Variants in CNTN6 observed in about 807,000 individuals in gnomAD.
CNTN6 encodes the protein contactin-6.
CNTN6 carries 137 observed loss-of-function variants against 122.8 expected under a neutral mutation model. The observed-to-expected ratio is 1.12, with a 90% CI of 0.97 to 1.29. The LOEUF is 1.29. CNTN6 is among the 50% of genes most tolerant of loss of function. The pLI is 0.00. For synonymous variants in CNTN6, 570 were observed against 426.0 expected (o/e 1.34, Z -4.16); for missense variants, 1,634 against 1,223.4 (o/e 1.34, Z -5.01).
At position 1,383,110 on chromosome 3, in the gene CNTN6, G is replaced by A. The variant is rs866577695; in HGVS notation, c.2335G>A (p.Gly779Ser). ...ACTGTCTCCCTTTGAAGTCAAAGTG[G>A]GTGTGTATAATAATGAAGGAGAAGG... ...IPLSPFEVKV[G>S]VYNNEGEGSL... Residue 779 changes from glycine (G) to serine (S), a missense_variant, in exon 18 of 23, where the codon GGT becomes AGT. Gly to Ser is a moderately conservative substitution (Grantham distance 56). Coordinates refer to ENST00000446702, the MANE Select transcript of CNTN6 (RefSeq NM_001289080.2). 1 of 1,614,006 alleles carries A rather than the reference G, an allele frequency of 6.2e-7. No homozygotes were observed. Among genetic ancestry groups the A allele is most frequent in the Non-Finnish European group, 8.5e-7 (1 of 1,179,928 alleles).
chr3:1,247,242 G>C (rs2094595271), intron 4 of CNTN6, among the ~76,000 whole-genome samples: 1 of 152,028 alleles, frequency 6.6e-6, no homozygotes, highest in Admixed American at 6.6e-5. Context: ...ATCCAATTGA[G>C]CCAGAACATA....
intron 2 of CNTN6, among the ~76,000 whole-genome samples, chr3:1,157,497 A>G (rs921274371): frequency 6.6e-6 from 1 of 152,160 alleles, no homozygotes; most frequent in African/African-American, 2.4e-5. Flanking sequence ...GATTACAGAT[A>G]TAAGCCACCA....
chr3:1,403,028 C>T (rs1695928445), intron 22 of CNTN6, among the ~76,000 whole-genome samples: 1 of 152,074 alleles, frequency 6.6e-6, no homozygotes, highest in African/African-American at 2.4e-5. Context: ...ACTCATCTGC[C>T]TGAAGCTGTG....
At chr3:1,204,865 G>A (rs1406153407) in intron 2 of CNTN6, among the ~76,000 whole-genome samples, 1 of 152,092 alleles carries the variant, frequency 6.6e-6, no homozygotes, top group Non-Finnish European at 1.5e-5. Flanking sequence ...CCCATATGAT[G>A]GATGGGGTAG....
chr3:1,156,459 TAAA>T (rs771401604), intron 2 of CNTN6, among the ~76,000 whole-genome samples: 3 of 152,152 alleles, frequency 2.0e-5, no homozygotes, highest in South Asian at 2.1e-4. Context: ...AAAGGGAAAA[TAAA>T]AACTCAACTC....
intron 2 of CNTN6, among the ~76,000 whole-genome samples, chr3:1,172,779 A>G (rs1271773196): frequency 6.6e-6 from 1 of 152,190 alleles, no homozygotes; most frequent in Non-Finnish European, 1.5e-5. Context: ...AGCAACTCAT[A>G]TACACGAGAG....
chr3:1,381,485 A>G (rs1011958400), intron 17 of CNTN6, among the ~76,000 whole-genome samples: 2 of 152,108 alleles, frequency 1.3e-5, no homozygotes, highest in Non-Finnish European at 2.9e-5. Flanking sequence ...GAGGACAGGA[A>G]AAAAGTCTCA....
At chr3:1,372,168 A>G in intron 12 of CNTN6, 131 bp from the exon 13 acceptor site, 2 of 556,024 alleles carry the variant, frequency 3.6e-6, no homozygotes, top group Non-Finnish European at 5.9e-6. Context: ...AATATTTCAT[A>G]CTGGACATTG....
At chr3:1,139,298 T>C (rs1237613920) in intron 1 of CNTN6, among the ~76,000 whole-genome samples, 1 of 152,144 alleles carries the variant, frequency 6.6e-6, no homozygotes, top group Admixed American at 6.6e-5. Flanking sequence ...TGTTATTGAA[T>C]TCATTGCTGA....
intron 11 of CNTN6, among the ~76,000 whole-genome samples, chr3:1,334,050 G>T (rs7628540): frequency 0.2 from 30,749 of 151,978 alleles, 3,824 homozygotes; most frequent in East Asian, 0.56. Flanking sequence ...GCTGTTTTAA[G>T]AGTTCTGTTC....
intron 2 of CNTN6, among the ~76,000 whole-genome samples, chr3:1,215,263 G>C (rs747383207): frequency 6.6e-6 from 1 of 152,078 alleles, no homozygotes; most frequent in Admixed American, 6.6e-5. Context: ...TCTATAACTC[G>C]GTGACATCAA....
At chr3:1,233,277 G>A (rs1342778556) in intron 4 of CNTN6, among the ~76,000 whole-genome samples, 1 of 152,136 alleles carries the variant, frequency 6.6e-6, no homozygotes, top group Non-Finnish European at 1.5e-5. Context: ...TATGTGGAAA[G>A]CAGAGGGCAA....
chr3:1,266,571 T>C (rs1259856199), intron 4 of CNTN6, among the ~76,000 whole-genome samples: 3 of 152,196 alleles, frequency 2.0e-5, no homozygotes, highest in Admixed American at 6.5e-5. Flanking sequence ...AACTCGGCCT[T>C]TTGTATTTTA....
intron 11 of CNTN6, among the ~76,000 whole-genome samples, chr3:1,346,554 A>C (rs1051866021): frequency 1.2e-4 from 19 of 152,054 alleles, no homozygotes; most frequent in Admixed American, 3.9e-4. Context: ...CTCTTTGTAC[A>C]CACCAGTTTC....
At chr3:1,394,849 G>C (rs577777884) in intron 20 of CNTN6, among the ~76,000 whole-genome samples, 48 of 152,170 alleles carry the variant, frequency 3.2e-4, no homozygotes, top group Non-Finnish European at 1.6e-4. Context: ...TTGTCAAAGA[G>C]TAGGAGATAA....
At position 1,147,265 on chromosome 3, in the gene CNTN6, T is replaced by C. The variant is rs542177207; in HGVS notation, c.-82-662T>C. 3.3e-5 allele frequency among the ~76,000 whole-genome samples: 5 copies of C among 152,100 alleles called. No homozygotes were observed. In the South Asian group the frequency reaches 1.0e-3, roughly 31 times the overall value. ...ATAGAAAAGCTGCAAAATTATACCA[T>C]AAAAAGGCCATAGAAATAATAAAGG... On this transcript the variant is annotated intron_variant, in intron 1 of 22. Transcript: ENST00000446702.
intron 4 of CNTN6, among the ~76,000 whole-genome samples, chr3:1,245,312 ATATATATATATAT>A (rs2094565542): frequency 1.0e-4 from 2 of 19,204 alleles, no homozygotes; most frequent in African/African-American, 4.2e-4. Flanking sequence ...ATATATATAT[ATATATATATATAT>A]ATATATATAT....
At chr3:1,098,179 T>C (rs1373665869) in intron 1 of CNTN6, among the ~76,000 whole-genome samples, 1 of 152,020 alleles carries the variant, frequency 6.6e-6, no homozygotes, top group Non-Finnish European at 1.5e-5. Flanking sequence ...GTCACATGTA[T>C]ACATATGTAA....
chr3:1,372,299 A>C lies in CNTN6; in HGVS notation c.1493A>C (p.Glu498Ala). 1 of 1,594,394 alleles carries C rather than the reference A, an allele frequency of 6.3e-7. No individual in the cohort carries two copies. Among genetic ancestry groups the C allele is most frequent in the East Asian group, 2.3e-5 (1 of 44,404 alleles). ...AKNTGSLIVK[E>A]RTVITVPPSK... ...AAAAAATAATTTTTTTTCTCAACAG[A>C]GAGAACTGTCATTACCGTCCCACCT... is the stretch of plus-strand genomic sequence containing the variant. Residue 498 changes from glutamate to alanine, a missense_variant and splice_region_variant, in exon 13 of 23, where the codon GAG (glutamate) becomes GCG (alanine). Physicochemically the swap from Glu to Ala is moderately radical, Grantham distance 107. Coordinates refer to ENST00000446702, the MANE Select transcript of CNTN6 (RefSeq NM_001289080.2).
Sources: gnomAD v4.1 joint callset for allele counts (sites outside exome capture counted in the v4.1 genomes callset) on GRCh38, gnomAD v4.1.1 for gene constraint, MANE v1.5 for transcripts, NCBI Gene and HGNC (gene_info 2026-07-23, HGNC 2026-07-21) for gene names.